Variants in TTYH3 observed in about 807,000 individuals in gnomAD.
TTYH3 encodes tweety family member 3.
TTYH3 carries 23 observed loss-of-function variants against 68.2 expected under a neutral mutation model. The ratio of observed to expected loss-of-function variants is 0.34; its 90% CI spans 0.24 to 0.48. The LOEUF (loss-of-function observed/expected upper bound fraction) is 0.48. Among genes scored for constraint, TTYH3 ranks in the 20% least tolerant of loss-of-function variants. TTYH3 has a pLI of 0.99. For missense variants in TTYH3, 768 were observed against 727.7 expected, an observed-to-expected ratio of 1.06 and a Z score of -0.64; for synonymous variants, 360 against 332.8, an observed-to-expected ratio of 1.08 and a Z score of -0.89.
chr7:2,632,064 G>A lies in TTYH3; in HGVS notation c.-92G>A. 2 of 1,153,954 alleles carry A rather than the reference G, an allele frequency of 1.7e-6. No homozygotes were observed. The highest frequency in any genetic ancestry group is 2.2e-6 in the Non-Finnish European group (2 of 926,276). 71.5% of individuals were successfully genotyped at this position (1,153,954 alleles called of 1,614,324 possible). On this transcript the variant is annotated 5_prime_UTR_variant, in exon 1 of 14. Transcript: ENST00000258796. ...GCGCGCGGATGATGCGGGCGGCCAGGCGGGGGTCGACGGGTCCCTGAAGCC... is the reference window on the plus strand; with the variant it reads ...GCGCGCGGATGATGCGGGCGGCCAGACGGGGGTCGACGGGTCCCTGAAGCC...
rs763675368 is a variant in TTYH3, at chr7:2,647,028, C to T, written c.293+6C>T. 1 of 1,390,702 alleles carries T rather than the reference C, an allele frequency of 7.2e-7. No homozygotes were observed. 86.1% of individuals were successfully genotyped at this position (1,390,702 alleles called of 1,614,324 possible). On this transcript the variant is annotated splice_donor_region_variant and intron_variant, in intron 2 of 13. Transcript: ENST00000258796. Reference sequence around the variant, plus strand: ...ATCGCCACGCTGGTGTGCAGGTGAGCGCGGTGGGGCGGGGACGGAGGGCGG... The same window carrying T: ...ATCGCCACGCTGGTGTGCAGGTGAGTGCGGTGGGGCGGGGACGGAGGGCGG...
intron 1 of TTYH3, among the ~76,000 whole-genome samples, chr7:2,633,508 C>T (rs1482982486): frequency 6.6e-6 from 1 of 152,030 alleles, no homozygotes; most frequent in Non-Finnish European, 1.5e-5. Context: ...CCAGGCACGC[C>T]CAGACACAGC....
At chr7:2,647,072 G>T (rs1786009353) in intron 2 of TTYH3, 50 bp downstream of exon 2, 1 of 1,530,068 alleles carries the variant, frequency 6.5e-7, no homozygotes, top group Non-Finnish European at 8.8e-7. Context: ...GGGGCGGCCC[G>T]AGGGGGCGGG....
intron 1 of TTYH3, 92 bp downstream of exon 1, chr7:2,632,370 A>G (rs904570206): frequency 2.3e-6 from 3 of 1,299,972 alleles, no homozygotes; most frequent in Admixed American, 3.0e-5. Context: ...CCGAGGGCCT[A>G]AAGACCCCTC....
In TTYH3 at chr7:2,645,058, A is replaced by G. The variant is rs1017724286; in HGVS notation, c.124-1795A>G. On this transcript the variant is annotated intron_variant, in intron 1 of 13. Transcript: ENST00000258796. The surrounding 1 kb of genome is among the most constrained non-coding windows in gnomAD (Gnocchi z 4.8). ...GAGGCGTTTCTCTGCAGTAGTGCCA[A>G]TGAGGGCAGCGCAGGTGTGCCTGGT... Among the ~76,000 whole-genome samples the G allele has an allele frequency of 1.3e-5, 2 of 152,170 alleles. No individual in the cohort carries two copies. Among genetic ancestry groups the G allele is most frequent in the Non-Finnish European group, 2.9e-5 (2 of 68,026 alleles).
At chr7:2,639,500 A>G (rs555838221) in intron 1 of TTYH3, among the ~76,000 whole-genome samples, 3 of 152,142 alleles carry the variant, frequency 2.0e-5, no homozygotes, top group Non-Finnish European at 4.4e-5. Context: ...GGCACAGGGG[A>G]GCCCCCGACC....
At chr7:2,644,333 C>T (rs1373140074) in intron 1 of TTYH3, among the ~76,000 whole-genome samples, 3 of 152,156 alleles carry the variant, frequency 2.0e-5, no homozygotes, top group African/African-American at 7.2e-5. Context: ...AGCCCCAGAG[C>T]GTGGCTTTTC....
At chr7:2,636,469 C>T (rs1261723768) in intron 1 of TTYH3, among the ~76,000 whole-genome samples, 1 of 152,052 alleles carries the variant, frequency 6.6e-6, no homozygotes. Flanking sequence ...TACTTTGGAC[C>T]GTGTTCCAGA....
intron 5 of TTYH3, among the ~76,000 whole-genome samples, chr7:2,649,213 C>T (rs1786090932): frequency 6.6e-6 from 1 of 152,112 alleles, no homozygotes; most frequent in Non-Finnish European, 1.5e-5. Flanking sequence ...CGTTATCAGG[C>T]CCCTTGGGCT....
chr7:2,652,586 A>G (rs972835437), intron 8 of TTYH3, among the ~76,000 whole-genome samples: 4 of 152,124 alleles, frequency 2.6e-5, no homozygotes, highest in Admixed American at 6.5e-5. Flanking sequence ...GGGAGTTTGA[A>G]GAGGTCGGCC....
chr7:2,661,841 C>G lies in TTYH3; in HGVS notation c.*102C>G. The G allele has an allele frequency of 7.7e-7, 1 of 1,294,044 alleles. No homozygotes were observed. 80.2% of individuals were successfully genotyped at this position (1,294,044 alleles called of 1,614,324 possible). A position where few individuals can be genotyped will look rare whatever the true frequency, so the allele number is the denominator to read the frequency against. On this transcript the variant is annotated 3_prime_UTR_variant, in exon 14 of 14. Coordinates refer to ENST00000258796, the MANE Select transcript of TTYH3 (RefSeq NM_025250.3). Reference sequence around the variant, plus strand: ...CCCACCGGACCCTCGCACGCCGTGCCAGGCCTGCCCCAGACGCGTCTGCAG... The same window carrying G: ...CCCACCGGACCCTCGCACGCCGTGCGAGGCCTGCCCCAGACGCGTCTGCAG...
intron 5 of TTYH3, among the ~76,000 whole-genome samples, chr7:2,649,290 A>G (rs1274420315): frequency 6.6e-6 from 1 of 151,836 alleles, no homozygotes; most frequent in Non-Finnish European, 1.5e-5. Flanking sequence ...CAGGAGAGGG[A>G]CCTGGGGGAC....
At chr7:2,651,030 G>A (rs1055211019) in intron 7 of TTYH3, among the ~76,000 whole-genome samples, 1 of 151,978 alleles carries the variant, frequency 6.6e-6, no homozygotes, top group African/African-American at 2.4e-5. Context: ...TCTGGAGGTG[G>A]GGGGCAGGGA....
intron 1 of TTYH3, among the ~76,000 whole-genome samples, chr7:2,643,212 A>G (rs540509119): frequency 4.2e-5 from 6 of 141,744 alleles, no homozygotes; most frequent in African/African-American, 1.1e-4. Context: ...AAAATTAGCC[A>G]GGCTTGGTGG....
chr7:2,647,688 C>G (rs200260322), intron 4 of TTYH3, 50 bp downstream of exon 4: 3 of 1,520,164 alleles, frequency 2.0e-6, no homozygotes, highest in Non-Finnish European at 2.7e-6. Flanking sequence ...AAGCATCACC[C>G]TCCTTGGGCC....
At chr7:2,659,311 C>T (rs1239182778) in intron 13 of TTYH3, among the ~76,000 whole-genome samples, 1 of 152,172 alleles carries the variant, frequency 6.6e-6, no homozygotes, top group Admixed American at 6.5e-5. Context: ...AGCTCTCAGG[C>T]CCTTTCCTGG....
At chr7:2,641,952 G>C (rs1451676978) in intron 1 of TTYH3, among the ~76,000 whole-genome samples, 1 of 152,238 alleles carries the variant, frequency 6.6e-6, no homozygotes, top group East Asian at 1.9e-4. Flanking sequence ...GCCCAAGTGG[G>C]CTCCCTTTGA....
intron 1 of TTYH3, among the ~76,000 whole-genome samples, chr7:2,643,427 C>T (rs1461970375): frequency 2.6e-5 from 4 of 152,058 alleles, no homozygotes; most frequent in African/African-American, 4.8e-5. Flanking sequence ...TTTTTCTCAG[C>T]GTCTCTCACC....
chr7:2,642,410 T>C (rs894254133), intron 1 of TTYH3, among the ~76,000 whole-genome samples: 3 of 151,602 alleles, frequency 2.0e-5, no homozygotes, highest in African/African-American at 7.3e-5. Flanking sequence ...AGTGTGTTGG[T>C]GCATGCCTCT....
Sources: allele counts gnomAD v4.1 joint callset (sites outside exome capture counted in the v4.1 genomes callset), GRCh38; gene constraint gnomAD v4.1.1; non-coding constraint Gnocchi (gnomAD v3.1); transcripts MANE v1.5; gene names NCBI Gene and HGNC (gene_info 2026-07-23, HGNC 2026-07-21).